Variants in IGSF3 observed in about 807,000 individuals in gnomAD.
IGSF3 encodes the protein glu-Trp-Ile EWI motif-containing protein 3.
A neutral mutation model predicts 114.4 loss-of-function variants in IGSF3; 23 were observed. The observed-to-expected ratio is 0.20, with a 90% confidence interval of 0.14 to 0.28. The LOEUF (loss-of-function observed/expected upper bound fraction) is 0.28, where lower values mean the gene tolerates loss of function less well. IGSF3 is among the 10% of genes least tolerant of loss of function. The probability of loss-of-function intolerance (pLI) is 1.00; values close to 1 mark genes in which losing one functional copy is unlikely to be tolerated. For synonymous variants in IGSF3, 571 were observed against 645.2 expected, an observed-to-expected ratio of 0.88 and a Z score of 1.74; for missense variants, 1,172 against 1,591.5, an observed-to-expected ratio of 0.74 and a Z score of 4.48.
Position 116,577,606 on chromosome 1 carries a change from C to T in IGSF3, c.3335-44G>A. On this transcript the variant is annotated intron_variant, in intron 10 of 10. Transcript: ENST00000369486. The surrounding 1 kb of genome is among the most constrained non-coding windows in gnomAD (Gnocchi z 5.7). ...GAGACAAGACAATGAGGGCTGAGAA[C>T]CTGGACTGCTCACATTTCCTTTTGA... The T allele has an allele frequency of 6.3e-7, 1 of 1,597,374 alleles. No individual in the cohort carries two copies.
rs546472964 is a variant in IGSF3 at position 116,655,595 on chromosome 1, C to T, written c.43+10689G>A. On this transcript the variant is annotated intron_variant, in intron 2 of 10. Coordinates refer to ENST00000369486, the MANE Select transcript of IGSF3 (RefSeq NM_001007237.3). This position sits in a 1 kb window ranked among gnomAD's most constrained non-coding sequence, Gnocchi z 4.3. Reference sequence around the variant, plus strand: ...GGGTTAAAGTCTTAAATGCTGAGCCCGTAGCCAGCAACCTTAAAGGCTACT... The same window carrying T: ...GGGTTAAAGTCTTAAATGCTGAGCCTGTAGCCAGCAACCTTAAAGGCTACT... Among the ~76,000 whole-genome samples the T allele has an allele frequency of 2.6e-5, 4 of 152,124 alleles. No individual in the cohort carries two copies. Among genetic ancestry groups the T allele is most frequent in the Non-Finnish European group, 4.4e-5 (3 of 68,020 alleles).
At chr1:116,639,851 C>A (rs1044897433) in intron 2 of IGSF3, among the ~76,000 whole-genome samples, 3 of 151,826 alleles carry the variant, frequency 2.0e-5, no homozygotes, top group African/African-American at 7.3e-5. Context: ...CTGGCCAACA[C>A]GGTGAAACCC....
rs1315577132 is a variant in IGSF3, at chr1:116,616,385, G to A, written c.116C>T (p.Thr39Ile). The stretch of plus-strand genomic sequence containing the variant: ...GTAGCCACTCACATTGCACCAGATA[G>A]TGATGTGGGAGCCCTCCGTGCGGTA... Reference protein sequence around the residue: ...PLYRTEGSHITIWCNVSGYQG... With the variant: ...PLYRTEGSHIIIWCNVSGYQG... Residue 39 changes from threonine to isoleucine, a missense_variant, in exon 3 of 11, where the codon ACT becomes ATT. By Grantham distance (89) the Thr-to-Ile change is moderately conservative. Coordinates refer to ENST00000369486, the MANE Select transcript of IGSF3 (RefSeq NM_001007237.3). The surrounding 1 kb of genome is among the most constrained non-coding windows in gnomAD (Gnocchi z 6.6). 2 of 1,611,376 alleles carry A rather than the reference G, an allele frequency of 1.2e-6. No homozygotes were observed. The highest frequency in any genetic ancestry group is 4.5e-5 in the East Asian group (2 of 44,898).
rs1659730167 is a variant in IGSF3, at chr1:116,584,518, C to A, written c.2848+127G>T. On this transcript the variant is annotated intron_variant, in intron 9 of 10. Coordinates refer to ENST00000369486, the MANE Select transcript of IGSF3 (RefSeq NM_001007237.3). The surrounding 1 kb of genome is among the most constrained non-coding windows in gnomAD (Gnocchi z 5.8). ...GCAATTTTGAATATAAATGCATATA[C>A]ATGTAGACACTCATATATTTAACTG... is the stretch of plus-strand genomic sequence containing the variant. 4.4e-6 allele frequency: 4 copies of A among 917,296 alleles called. No homozygotes were observed. The highest frequency in any genetic ancestry group is 6.7e-6 in the Non-Finnish European group (4 of 597,574). The allele number at this position is 917,296 out of a possible 1,614,324, so 56.8% of individuals were successfully genotyped here. A position where few individuals can be genotyped will look rare whatever the true frequency, so the allele number is the denominator to read the frequency against.
intron 5 of IGSF3, chr1:116,606,603 G>T (rs1340937475): frequency 6.7e-6 from 5 of 751,610 alleles, no homozygotes; most frequent in African/African-American, 5.2e-5. Flanking sequence ...TCTCAGAAGG[G>T]GTTGGGGGAA....
chr1:116,659,543 T>A (rs1649024096), intron 2 of IGSF3, among the ~76,000 whole-genome samples: 1 of 152,192 alleles, frequency 6.6e-6, no homozygotes, highest in Non-Finnish European at 1.5e-5. Context: ...AATAGCTGTG[T>A]TCACTTTGAA....
intron 2 of IGSF3, among the ~76,000 whole-genome samples, chr1:116,660,452 C>CA: frequency 6.6e-6 from 1 of 151,778 alleles, no homozygotes; most frequent in Non-Finnish European, 1.5e-5. Context: ...AGCAGTGAGC[C>CA]ACCACACCTG....
At chr1:116,619,052 G>T (rs1215957805) in intron 2 of IGSF3, among the ~76,000 whole-genome samples, 2 of 152,134 alleles carry the variant, frequency 1.3e-5, no homozygotes, top group South Asian at 2.1e-4. Context: ...TTCAAATCAG[G>T]TGTAGCAAAG....
chr1:116,578,653 C>CT (rs914308050), intron 10 of IGSF3, among the ~76,000 whole-genome samples: 1 of 152,062 alleles, frequency 6.6e-6, no homozygotes, highest in Non-Finnish European at 1.5e-5. Flanking sequence ...TTCCAGCAAT[C>CT]TTTTTTTTCT....
At chr1:116,640,037 C>CGAAAAAAAAAAAAA (rs1261130855) in intron 2 of IGSF3, among the ~76,000 whole-genome samples, 1 of 65,290 alleles carries the variant, frequency 1.5e-5, no homozygotes, top group African/African-American at 5.6e-5. Flanking sequence ...GACTCTATCT[C>CGAAAAAAAAAAAAA]AAAAAAAAAA....
chr1:116,579,314 A>C lies in IGSF3; in HGVS notation c.3334+78T>G. ...AGTTAAGAAAACTGTTTATTAACCCATAATCAAGCTCAAATTTATCTTCCA... is the reference window on the plus strand; with the variant it reads ...AGTTAAGAAAACTGTTTATTAACCCCTAATCAAGCTCAAATTTATCTTCCA... On this transcript the variant is annotated intron_variant, in intron 10 of 10. Transcript: ENST00000369486. This position sits in a 1 kb window ranked among gnomAD's most constrained non-coding sequence, Gnocchi z 6.4. 6.6e-7 allele frequency: 1 copy of C among 1,504,830 alleles called. No homozygotes were observed. The highest frequency in any genetic ancestry group is 1.4e-5 in the South Asian group (1 of 73,888). The allele number at this position is 1,504,830 out of a possible 1,614,324, so 93.2% of individuals were successfully genotyped here. A position where few individuals can be genotyped will look rare whatever the true frequency, so the allele number is the denominator to read the frequency against.
In IGSF3 at chr1:116,666,523, A is replaced by T. The variant is rs1328043736; in HGVS notation, c.-197T>A. 4.8e-6 allele frequency: 3 copies of T among 623,854 alleles called. No individual in the cohort carries two copies. Among genetic ancestry groups the T allele is most frequent in the Non-Finnish European group, 8.5e-6 (3 of 351,186 alleles). 38.6% of individuals were successfully genotyped at this position (623,854 alleles called of 1,614,324 possible). On this transcript the variant is annotated 5_prime_UTR_variant, in exon 2 of 11. Coordinates refer to ENST00000369486, the MANE Select transcript of IGSF3 (RefSeq NM_001007237.3). ...AAGGGGAGGAGTGGAGGCAAGTGTG[A>T]AAACTCCCCTATGCTACAGGAAGGG...
At chr1:116,641,530 G>GA (rs1328653847) in intron 2 of IGSF3, among the ~76,000 whole-genome samples, 1 of 126,490 alleles carries the variant, frequency 7.9e-6, no homozygotes, top group Non-Finnish European at 1.7e-5. Flanking sequence ...GAAGAAGAAA[G>GA]AAAAGAAAAG....
chr1:116,659,825 A>G (rs1425876081), intron 2 of IGSF3, among the ~76,000 whole-genome samples: 2 of 152,206 alleles, frequency 1.3e-5, no homozygotes, highest in Admixed American at 6.5e-5. Flanking sequence ...TATATTGCCC[A>G]GGCTGGTTGG....
chr1:116,638,052 A>G lies in IGSF3; in HGVS notation c.44-21595T>C, dbSNP rs1163003863. Among the ~76,000 whole-genome samples the G allele has an allele frequency of 6.6e-6, 1 of 152,202 alleles. No homozygotes were observed. The highest frequency in any genetic ancestry group is 1.5e-5 in the Non-Finnish European group (1 of 68,040). On this transcript the variant is annotated intron_variant, in intron 2 of 10. Coordinates refer to ENST00000369486, the MANE Select transcript of IGSF3 (RefSeq NM_001007237.3). The surrounding 1 kb of genome is among the most constrained non-coding windows in gnomAD (Gnocchi z 4.1). ...GGCATCCACAGTAACTATACTCAAT[A>G]AACACACCAACTTTGATGCCAAATC... is the stretch of plus-strand genomic sequence containing the variant.
Position 116,577,294 on chromosome 1 carries a change from C to A in IGSF3, c.*18G>T. On this transcript the variant is annotated 3_prime_UTR_variant, in exon 11 of 11. Transcript: ENST00000369486. This position sits in a 1 kb window ranked among gnomAD's most constrained non-coding sequence, Gnocchi z 5.7. ...CCTCAGCTCCTCCGTGGCCAACATC[C>A]GCTGGGGCATCACCCGCTTAGTCTA... 6.2e-7 allele frequency: 1 copy of A among 1,611,558 alleles called. No homozygotes were observed. The highest frequency in any genetic ancestry group is 1.1e-5 in the South Asian group (1 of 90,950).
At chr1:116,597,852 G>T (rs1660406658) in intron 7 of IGSF3, among the ~76,000 whole-genome samples, 3 of 152,218 alleles carry the variant, frequency 2.0e-5, no homozygotes, top group Admixed American at 6.5e-5. Flanking sequence ...CCTCCATCAA[G>T]ATTCCCAACC....
intron 9 of IGSF3, among the ~76,000 whole-genome samples, chr1:116,581,320 CTTTTTTTTT>C (rs955415319): frequency 2.8e-5 from 2 of 70,592 alleles, no homozygotes. Flanking sequence ...GTTTTGCTGT[CTTTTTTTTT>C]TTTTTTTTTT....
At chr1:116,580,877 T>C (rs1000617940) in intron 9 of IGSF3, among the ~76,000 whole-genome samples, 4 of 152,206 alleles carry the variant, frequency 2.6e-5, no homozygotes, top group African/African-American at 9.6e-5. Context: ...CACAAGGAAC[T>C]GGCAAAGGCC....
Sources: gnomAD v4.1 joint callset for allele counts (sites outside exome capture counted in the v4.1 genomes callset) on GRCh38, gnomAD v4.1.1 for gene constraint, Gnocchi (gnomAD v3.1) non-coding constraint, MANE v1.5 for transcripts, NCBI Gene and HGNC (gene_info 2026-07-23, HGNC 2026-07-21) for gene names.